DLG2: variants seen among roughly 807,000 people sequenced by gnomAD.
DLG2 encodes the protein discs large MAGUK scaffold protein 2, also known as disks large homolog 2.
In DLG2, 45 loss-of-function variants were observed where a neutral mutation model predicts 132.5. That is an observed-to-expected ratio of 0.34 (90% CI 0.27 to 0.44). The LOEUF (loss-of-function observed/expected upper bound fraction) is 0.44, where lower values mean the gene tolerates loss of function less well. DLG2 is among the 20% of genes least tolerant of loss of function. DLG2 has a pLI of 1.00. For missense variants in DLG2, 1,045 were observed against 1,196.9 expected, an observed-to-expected ratio of 0.87 and a Z score of 1.87; for synonymous variants, 424 against 419.6, an observed-to-expected ratio of 1.01 and a Z score of -0.13.
chr11:85,171,185 C>T (rs977859393), intron 4 of DLG2, among the ~76,000 whole-genome samples: 3 of 152,060 alleles, frequency 2.0e-5, no homozygotes, highest in Non-Finnish European at 2.9e-5. Context: ...AAACAGGAAG[C>T]GAATTCTGTA....
intron 6 of DLG2, among the ~76,000 whole-genome samples, chr11:84,796,243 C>A (rs1388568874): frequency 6.6e-6 from 1 of 152,134 alleles, no homozygotes; most frequent in Non-Finnish European, 1.5e-5. Context: ...TATGTACCAA[C>A]AAAAATTAAA....
chr11:84,998,973 T>TTA (rs143714577), intron 6 of DLG2, among the ~76,000 whole-genome samples: 25,798 of 148,596 alleles, frequency 0.17, 2,496 homozygotes, highest in East Asian at 0.28. Context: ...ATTATTACAA[T>TTA]TATATATATA....
intron 4 of DLG2, among the ~76,000 whole-genome samples, chr11:85,207,980 C>T (rs1256391430): frequency 6.6e-6 from 1 of 152,006 alleles, no homozygotes; most frequent in Admixed American, 6.6e-5. Context: ...TCCACCTCTT[C>T]TGAGTTTCCA....
At chr11:83,702,376 A>C (rs2083113898) in intron 18 of DLG2, among the ~76,000 whole-genome samples, 1 of 152,256 alleles carries the variant, frequency 6.6e-6, no homozygotes, top group Non-Finnish European at 1.5e-5. Context: ...TTATCTACAA[A>C]AAGGTAGAAT....
intron 11 of DLG2, among the ~76,000 whole-genome samples, chr11:84,048,893 A>G (rs1385854935): frequency 1.3e-5 from 2 of 151,788 alleles, no homozygotes; most frequent in Non-Finnish European, 2.9e-5. Flanking sequence ...AGATCAGGGA[A>G]AAAAGAAGAA....
rs1299899858 is a variant in DLG2 at position 85,489,036 on chromosome 11, G to GA, written c.40+109620dup. Among the ~76,000 whole-genome samples the GA allele has an allele frequency of 2.6e-5, 4 of 151,754 alleles. No homozygotes were observed. The South Asian group carries it at 8.3e-4, about 32-fold the overall frequency. ...AAATAAATAATTTAGAAAACAACCA[G>GA]AAAAAATTAACAACATGACAAAGAA... On this transcript the variant is annotated intron_variant, in intron 3 of 27. Transcript: ENST00000376104.
At chr11:84,176,160 C>T (rs1379433791) in intron 8 of DLG2, among the ~76,000 whole-genome samples, 4 of 151,772 alleles carry the variant, frequency 2.6e-5, no homozygotes, top group Non-Finnish European at 5.9e-5. Flanking sequence ...TACCATCCCC[C>T]TCCCCCTAGC....
At chr11:83,492,558 G>A (rs1376921127) in intron 21 of DLG2, among the ~76,000 whole-genome samples, 2 of 151,748 alleles carry the variant, frequency 1.3e-5, no homozygotes, top group African/African-American at 2.4e-5. Context: ...AACCAAACAC[G>A]TGGTCTTCTC....
At chr11:83,846,755 T>C (rs1442075879) in intron 16 of DLG2, among the ~76,000 whole-genome samples, 1 of 150,776 alleles carries the variant, frequency 6.6e-6, no homozygotes, top group Non-Finnish European at 1.5e-5. Context: ...ATCAATTAGT[T>C]TGATTTAAAA....
At chr11:84,096,168 T>TA (rs984744684) in intron 10 of DLG2, among the ~76,000 whole-genome samples, 4 of 152,138 alleles carry the variant, frequency 2.6e-5, no homozygotes, top group Admixed American at 6.6e-5. Flanking sequence ...TGGGTGATCT[T>TA]AAAATCATTA....
rs1021460107 is a variant in DLG2, at chr11:85,308,576, G to A, written c.41-23211C>T. ...GCAGCTGAAGCTCTTACCGAATCCTGGTCAAACTTCCTTTTGTCCTTTGGA... is the reference window on the plus strand; with the variant it reads ...GCAGCTGAAGCTCTTACCGAATCCTAGTCAAACTTCCTTTTGTCCTTTGGA... On this transcript the variant is annotated intron_variant, in intron 3 of 27. Transcript: ENST00000376104. 7.2e-5 allele frequency among the ~76,000 whole-genome samples: 11 copies of A among 152,222 alleles called. No individual in the cohort carries two copies. In the South Asian group the frequency reaches 2.3e-3, roughly 32 times the overall value.
intron 11 of DLG2, among the ~76,000 whole-genome samples, chr11:83,981,501 G>C (rs1027793354): frequency 6.6e-6 from 1 of 152,082 alleles, no homozygotes; most frequent in Non-Finnish European, 1.5e-5. Flanking sequence ...GAGTGCAGTG[G>C]TATGATTTCA....
chr11:85,393,383 T>C (rs2086976522), intron 3 of DLG2, among the ~76,000 whole-genome samples: 1 of 151,868 alleles, frequency 6.6e-6, no homozygotes, highest in Non-Finnish European at 1.5e-5. Flanking sequence ...GGGAATGTAA[T>C]ACAACTACTA....
In DLG2 at chr11:84,999,509, T is replaced by G. The variant is rs112778216; in HGVS notation, c.357+112152A>C. Reference sequence around the variant, plus strand: ...GGGTTTTCTGTAGACATCCATGGAATAAAAATGAGCAATAGGCTCTTATTC... The same window carrying G: ...GGGTTTTCTGTAGACATCCATGGAAGAAAAATGAGCAATAGGCTCTTATTC... On this transcript the variant is annotated intron_variant, in intron 6 of 27. Transcript: ENST00000376104. Among the ~76,000 whole-genome samples, 684 of 152,260 alleles carry G rather than the reference T, an allele frequency of 4.5e-3. 5 individuals carry two copies. The highest frequency in any genetic ancestry group is 0.016 in the African/African-American group (661 of 41,552).
intron 6 of DLG2, among the ~76,000 whole-genome samples, chr11:84,848,667 G>A (rs1195715952): frequency 6.6e-6 from 1 of 152,118 alleles, no homozygotes; most frequent in African/African-American, 2.4e-5. Flanking sequence ...AGATCCATCT[G>A]TACCAATACA....
chr11:83,750,467 T>C (rs1331525385), intron 18 of DLG2, among the ~76,000 whole-genome samples: 1 of 152,212 alleles, frequency 6.6e-6, no homozygotes, highest in Non-Finnish European at 1.5e-5. Flanking sequence ...TAGATAATTA[T>C]GCAGTTCAGT....
At chr11:85,180,999 A>T (rs560763566) in intron 4 of DLG2, among the ~76,000 whole-genome samples, 1 of 151,912 alleles carries the variant, frequency 6.6e-6, no homozygotes, top group African/African-American at 2.4e-5. Context: ...TTTTTTAATT[A>T]TTCATAGAAA....
chr11:83,545,670 C>G (rs1171829298), intron 19 of DLG2, among the ~76,000 whole-genome samples: 3 of 152,182 alleles, frequency 2.0e-5, no homozygotes, highest in East Asian at 3.9e-4. Context: ...CTTCTATTCC[C>G]AAGAGTCCTT....
intron 6 of DLG2, among the ~76,000 whole-genome samples, chr11:84,957,601 T>C (rs1425202699): frequency 6.6e-6 from 1 of 152,144 alleles, no homozygotes; most frequent in Non-Finnish European, 1.5e-5. Flanking sequence ...AATGGGTTAC[T>C]CCCTCCTCTG....
Sources: gnomAD v4.1 joint callset for allele counts (sites outside exome capture counted in the v4.1 genomes callset) on GRCh38, gnomAD v4.1.1 for gene constraint, MANE v1.5 for transcripts, NCBI Gene and HGNC (gene_info 2026-07-23, HGNC 2026-07-21) for gene names.